NT5C2: variants seen among roughly 807,000 people sequenced by gnomAD.
NT5C2 encodes cytosolic purine 5'-nucleotidase.
A neutral mutation model predicts 76.1 loss-of-function variants in NT5C2; 58 were observed. The observed-to-expected ratio is 0.76, with a 90% CI of 0.62 to 0.95. NT5C2 has a LOEUF of 0.95. Ranked by LOEUF, NT5C2 falls within the 40% of genes least tolerant of loss-of-function variation. The probability of loss-of-function intolerance (pLI) is 0.00; values close to 1 mark genes in which losing one functional copy is unlikely to be tolerated. For synonymous variants in NT5C2, 229 were observed against 237.4 expected (o/e 0.96, Z 0.32); for missense variants, 478 against 690.3 (o/e 0.69, Z 3.45).
intron 11 of NT5C2, 49 bp from the exon 12 acceptor site, chr10:103,096,029 G>T: frequency 1.5e-6 from 2 of 1,325,116 alleles, no homozygotes; most frequent in Admixed American, 1.7e-5. Flanking sequence ...TTTGCAAAAG[G>T]TATATAACCT....
chr10:103,132,162 C>T (rs1490925027), intron 4 of NT5C2, among the ~76,000 whole-genome samples: 1 of 151,222 alleles, frequency 6.6e-6, no homozygotes, highest in Non-Finnish European at 1.5e-5. Flanking sequence ...ATTGCTTGAA[C>T]CTGGGAGGCG....
chr10:103,146,396 T>G, intron 3 of NT5C2: 1 of 985,404 alleles, frequency 1.0e-6, no homozygotes, highest in Non-Finnish European at 1.2e-6. Context: ...AGACTAAGGA[T>G]TCAAGTATAA....
At chr10:103,174,095 CAAA>C (rs59543748) in intron 3 of NT5C2, among the ~76,000 whole-genome samples, 6 of 81,274 alleles carry the variant, frequency 7.4e-5, no homozygotes, top group African/African-American at 8.9e-5. Flanking sequence ...GACTCCGTCT[CAAA>C]AAAAAAAAAA....
chr10:103,093,904 G>A lies in NT5C2; in HGVS notation c.988+68C>T, dbSNP rs566046855. 33 of 1,213,744 alleles carry A rather than the reference G, an allele frequency of 2.7e-5. No homozygotes were observed. The African/African-American group carries it at 4.6e-4, about 17-fold the overall frequency. The allele number at this position is 1,213,744 out of a possible 1,614,324, so 75.2% of individuals were successfully genotyped here. A position where few individuals can be genotyped will look rare whatever the true frequency, so the allele number is the denominator to read the frequency against. ...AACAGTATATGTGGCACTTTGCTGA[G>A]AGATTACCAAAGCTTTCACTGTGAG... On this transcript the variant is annotated intron_variant, in intron 14 of 18. Coordinates refer to ENST00000404739, the MANE Select transcript of NT5C2 (RefSeq NM_001351169.2).
chr10:103,093,878 A>G lies in NT5C2; in HGVS notation c.988+94T>C, dbSNP rs1008852129. 1.1e-5 allele frequency: 10 copies of G among 929,172 alleles called. No homozygotes were observed. In the African/African-American group the frequency reaches 1.5e-4, roughly 14 times the overall value. 57.6% of individuals were successfully genotyped at this position (929,172 alleles called of 1,614,324 possible). A position where few individuals can be genotyped will look rare whatever the true frequency, so the allele number is the denominator to read the frequency against. ...TCAGTAGATGACATCTTAGACTACT[A>G]AACAGTATATGTGGCACTTTGCTGA... On this transcript the variant is annotated intron_variant, in intron 14 of 18. Coordinates refer to ENST00000404739, the MANE Select transcript of NT5C2 (RefSeq NM_001351169.2).
intron 4 of NT5C2, among the ~76,000 whole-genome samples, chr10:103,118,840 G>A (rs2075022795): frequency 6.6e-6 from 1 of 151,696 alleles, no homozygotes; most frequent in Non-Finnish European, 1.5e-5. Context: ...TTTTTGGAGA[G>A]GGAATTTTTT....
chr10:103,156,492 T>C (rs1042029521), intron 3 of NT5C2, among the ~76,000 whole-genome samples: 6 of 152,126 alleles, frequency 3.9e-5, no homozygotes, highest in Non-Finnish European at 8.8e-5. Flanking sequence ...CCGTGGCTCA[T>C]GCCTGTAATC....
Position 103,183,728 on chromosome 10 carries a change from T to C in NT5C2, c.-168-2400A>G, listed in dbSNP as rs144231682. ...ATGAGAAATTACCTGATGAGTACAA[T>C]GTACACTATTCAGGTGATGGTTACA... On this transcript the variant is annotated intron_variant, in intron 1 of 18. Transcript: ENST00000404739. Among the ~76,000 whole-genome samples the C allele has an allele frequency of 3.6e-3, 545 of 151,762 alleles. 4 individuals carry two copies. The highest frequency in any genetic ancestry group is 0.013 in the African/African-American group (532 of 41,368).
At chr10:103,170,980 A>T (rs1050156659) in intron 3 of NT5C2, among the ~76,000 whole-genome samples, 2 of 152,324 alleles carry the variant, frequency 1.3e-5, no homozygotes, top group South Asian at 2.1e-4. Context: ...AACTCCATAT[A>T]ACATAATCTT....
chr10:103,098,941 A>G lies in NT5C2; in HGVS notation c.677T>C (p.Val226Ala), dbSNP rs1355588604. ...EKTVENLEKY[V>A]VKDGKLPLLL... ...CCCTATATTACTTACATCTTTGACT[A>G]CATACTTCTCAAGATTTTCAACTGT... Residue 226 changes from valine (V) to alanine (A), a missense_variant, in exon 10 of 19, where the codon GTA becomes GCA. By Grantham distance (64) the Val-to-Ala change is moderately conservative (BLOSUM62 0). Coordinates refer to ENST00000404739, the MANE Select transcript of NT5C2 (RefSeq NM_001351169.2). The G allele has an allele frequency of 3.1e-6, 5 of 1,605,554 alleles. No individual in the cohort carries two copies. The African/African-American group carries it at 4.0e-5, about 13-fold the overall frequency.
At chr10:103,130,583 TAAAAA>T (rs5787482) in intron 4 of NT5C2, among the ~76,000 whole-genome samples, 1 of 137,372 alleles carries the variant, frequency 7.3e-6, no homozygotes, top group Non-Finnish European at 1.5e-5. Context: ...AAATAAAAAT[TAAAAA>T]AAAAAAAAAG....
intron 4 of NT5C2, among the ~76,000 whole-genome samples, chr10:103,134,404 G>A (rs1293684697): frequency 2.0e-5 from 3 of 152,236 alleles, no homozygotes; most frequent in African/African-American, 4.8e-5. Context: ...TCGGGCTGTG[G>A]CTTCAGAGGG....
chr10:103,091,061 G>T, intron 16 of NT5C2, 65 bp from the exon 17 acceptor site: 1 of 1,397,836 alleles, frequency 7.2e-7, no homozygotes, highest in South Asian at 1.2e-5. Flanking sequence ...CTTTAAGACA[G>T]TCTCATTCTG....
intron 4 of NT5C2, among the ~76,000 whole-genome samples, chr10:103,127,164 T>C (rs1321093744): frequency 3.3e-5 from 5 of 152,174 alleles, no homozygotes; most frequent in East Asian, 1.9e-4. Context: ...TTAATGTACA[T>C]AATCTCATTA....
intron 3 of NT5C2, among the ~76,000 whole-genome samples, chr10:103,173,611 CAAAA>C (rs1323084034): frequency 4.6e-5 from 2 of 43,172 alleles, no homozygotes; most frequent in Admixed American, 2.9e-4. Flanking sequence ...GACGCCGTCT[CAAAA>C]AAAAAAAAAA....
rs376514317 is a variant in NT5C2 at position 103,191,728 on chromosome 10, G to A, written c.-169+1508C>T. On this transcript the variant is annotated intron_variant, in intron 1 of 18. Coordinates refer to ENST00000404739, the MANE Select transcript of NT5C2 (RefSeq NM_001351169.2). ...TTCAGAACCCCCCCCACTCCACCCC[G>A]CGCCCCTCCACCTTATTTTACAGAT... Among the ~76,000 whole-genome samples, 7 of 132,120 alleles carry A rather than the reference G, an allele frequency of 5.3e-5. No individual in the cohort carries two copies. The South Asian group carries it at 1.6e-3, about 30-fold the overall frequency. 86.7% of individuals were successfully genotyped at this position (132,120 alleles called of 152,430 possible).
At chr10:103,182,533 G>A (rs1564650148) in intron 1 of NT5C2, among the ~76,000 whole-genome samples, 1 of 151,978 alleles carries the variant, frequency 6.6e-6, no homozygotes, top group Non-Finnish European at 1.5e-5. Flanking sequence ...AACTTGGGAG[G>A]GTGAGGCAGG....
At chr10:103,128,755 G>C (rs1473450819) in intron 4 of NT5C2, among the ~76,000 whole-genome samples, 40 of 47,236 alleles carry the variant, frequency 8.5e-4, no homozygotes, top group African/African-American at 3.0e-3. Flanking sequence ...CTGCCCGGCC[G>C]AGACCCCGTC....
chr10:103,098,311 A>AT (rs1463384958), intron 10 of NT5C2: 4 of 259,896 alleles, frequency 1.5e-5, no homozygotes, highest in African/African-American at 4.7e-5. Flanking sequence ...TTTTTAAAAA[A>AT]TTTTATCAGG....
Sources: allele counts gnomAD v4.1 joint callset (sites outside exome capture counted in the v4.1 genomes callset), GRCh38; gene constraint gnomAD v4.1.1; transcripts MANE v1.5; gene names NCBI Gene and HGNC (gene_info 2026-07-23, HGNC 2026-07-21).